The following XKR9 variants were observed in gnomAD, a reference collection of about 807,000 sequenced individuals.
XKR9 encodes XK related 9.
A neutral mutation model predicts 32.0 loss-of-function variants in XKR9; 32 were observed. The ratio of observed to expected loss-of-function variants is 1.00; its 90% CI spans 0.76 to 1.34. The LOEUF is 1.34. XKR9 is among the 40% of genes most tolerant of loss of function. The probability of loss-of-function intolerance (pLI) is 0.00; values close to 1 mark genes in which losing one functional copy is unlikely to be tolerated. For synonymous variants in XKR9, 168 were observed against 143.4 expected, an observed-to-expected ratio of 1.17 and a Z score of -1.22; for missense variants, 546 against 429.7, an observed-to-expected ratio of 1.27 and a Z score of -2.39.
chr8:70,808,044 C>T, the XKR9 span, among the ~76,000 whole-genome samples: 1 of 151,318 alleles, frequency 6.6e-6, no homozygotes, highest in African/African-American at 2.4e-5. Flanking sequence ...GCAAAAAAAA[C>T]CTCTAAAATC....
intron 3 of XKR9, among the ~76,000 whole-genome samples, chr8:70,682,264 T>C (rs1461424467): frequency 6.6e-6 from 1 of 152,110 alleles, no homozygotes; most frequent in Non-Finnish European, 1.5e-5. Flanking sequence ...ACATATGTAA[T>C]AGGTAAGATT....
At chr8:70,844,458 C>T in the XKR9 span, among the ~76,000 whole-genome samples, 1 of 152,198 alleles carries the variant, frequency 6.6e-6, no homozygotes, top group African/African-American at 2.4e-5. Context: ...ACCAGGGCCA[C>T]AGCACGCTTG....
the XKR9 span, among the ~76,000 whole-genome samples, chr8:70,853,862 C>CT: frequency 1.3e-5 from 2 of 152,042 alleles, no homozygotes; most frequent in African/African-American, 4.8e-5. Flanking sequence ...TGAACTAATC[C>CT]TTTTTTATGG....
chr8:70,911,996 C>T, the XKR9 span, among the ~76,000 whole-genome samples: 1 of 152,114 alleles, frequency 6.6e-6, no homozygotes, highest in Non-Finnish European at 1.5e-5. Context: ...TAAGTCAACA[C>T]CTGAAAGATG....
At chr8:70,677,781 G>T (rs976009046) in intron 2 of XKR9, among the ~76,000 whole-genome samples, 1 of 151,900 alleles carries the variant, frequency 6.6e-6, no homozygotes, top group African/African-American at 2.4e-5. Context: ...GTTTTCACAG[G>T]GATTTGTGAG....
chr8:70,977,218 G>GT, the XKR9 span, among the ~76,000 whole-genome samples: 1 of 152,086 alleles, frequency 6.6e-6, no homozygotes, highest in East Asian at 1.9e-4. Flanking sequence ...TTTTTGAAGG[G>GT]TTTTTTGTGT....
At chr8:70,954,384 G>A in the XKR9 span, among the ~76,000 whole-genome samples, 48,373 of 152,042 alleles carry the variant, frequency 0.32, 9,035 homozygotes, top group Non-Finnish European at 0.43. Flanking sequence ...AAGTCACCAC[G>A]TAGGTGCATA....
intron 4 of XKR9, among the ~76,000 whole-genome samples, chr8:70,716,713 C>A (rs1408612813): frequency 6.6e-6 from 1 of 152,102 alleles, no homozygotes; most frequent in African/African-American, 2.4e-5. Context: ...CATTCCTCTC[C>A]CAGCCCCTCC....
At chr8:70,687,893 A>T (rs1392132466) in intron 3 of XKR9, among the ~76,000 whole-genome samples, 1 of 152,128 alleles carries the variant, frequency 6.6e-6, no homozygotes, top group Non-Finnish European at 1.5e-5. Context: ...TGAATGTTTC[A>T]TGTACACTTG....
At chr8:70,751,507 T>A (rs1007667356) in intron 2 of XKR9, among the ~76,000 whole-genome samples, 4 of 152,146 alleles carry the variant, frequency 2.6e-5, no homozygotes, top group Admixed American at 6.5e-5. Flanking sequence ...TGGGTGTGGT[T>A]GTGAGGCTAC....
At chr8:70,858,171 C>A in the XKR9 span, among the ~76,000 whole-genome samples, 6 of 151,996 alleles carry the variant, frequency 3.9e-5, no homozygotes, top group Non-Finnish European at 7.4e-5. Context: ...TGAGGAAGTC[C>A]AATTGTCCCT....
chr8:70,749,407 T>G (rs543170241), intron 2 of XKR9, among the ~76,000 whole-genome samples: 1 of 148,816 alleles, frequency 6.7e-6, no homozygotes, highest in African/African-American at 2.5e-5. Flanking sequence ...CTCTTTGGAG[T>G]TCTGTGGTTA....
the XKR9 span, among the ~76,000 whole-genome samples, chr8:70,810,875 G>A: frequency 1.3e-5 from 2 of 152,176 alleles, no homozygotes; most frequent in Non-Finnish European, 2.9e-5. Context: ...ACATTAGACA[G>A]ATCAACGAGA....
downstream of XKR9, among the ~76,000 whole-genome samples, chr8:70,794,333 T>C (rs1427343723): frequency 6.6e-6 from 1 of 152,062 alleles, no homozygotes; most frequent in Non-Finnish European, 1.5e-5. Context: ...TCAATCTGGA[T>C]CCCTTTTATT....
downstream of XKR9, among the ~76,000 whole-genome samples, chr8:70,740,814 C>T (rs1173591669): frequency 1.3e-5 from 2 of 152,214 alleles, no homozygotes; most frequent in Admixed American, 6.5e-5. Flanking sequence ...GCTGTCTGAT[C>T]GTTCCTCTGA....
intron 4 of XKR9, among the ~76,000 whole-genome samples, chr8:70,707,740 A>G (rs1182287129): frequency 1.3e-5 from 2 of 152,062 alleles, no homozygotes; most frequent in Non-Finnish European, 2.9e-5. Flanking sequence ...TGTAAATGCT[A>G]AAAAACTAAT....
At position 70,681,005 on chromosome 8, in the gene XKR9, T is replaced by C. The variant is rs1202053115; in HGVS notation, c.-54T>C. The C allele has an allele frequency of 6.5e-6, 10 of 1,536,476 alleles. No homozygotes were observed. The highest frequency in any genetic ancestry group is 1.3e-5 in the South Asian group (1 of 78,490). ...ATACTAATATTTGTTTGGCTTTTTT[T>C]CCCTTTTTGTGAGGGAGAAAAAAGT... is the stretch of plus-strand genomic sequence containing the variant. On this transcript the variant is annotated 5_prime_UTR_variant, in exon 3 of 5. Transcript: ENST00000408926.
intron 1 of XKR9, chr8:70,670,487 A>T (rs1186208396): frequency 6.6e-6 from 1 of 152,114 alleles, no homozygotes; most frequent in East Asian, 1.9e-4. Context: ...GATGTAGAAC[A>T]TATCCACTGT....
At chr8:70,967,394 C>A in the XKR9 span, among the ~76,000 whole-genome samples, 1 of 152,138 alleles carries the variant, frequency 6.6e-6, no homozygotes, top group African/African-American at 2.4e-5. Flanking sequence ...ATCCATCTTG[C>A]CATTCTGTGT....
Sources: allele counts gnomAD v4.1 joint callset (sites outside exome capture counted in the v4.1 genomes callset), GRCh38; gene constraint gnomAD v4.1.1; transcripts MANE v1.5; gene names NCBI Gene and HGNC (gene_info 2026-07-23, HGNC 2026-07-21).